Variants in DCC observed in about 807,000 individuals in gnomAD.
DCC encodes the protein DCC netrin 1 receptor.
Under a neutral mutation model 172.5 loss-of-function variants are expected in DCC, and 58 were observed. The ratio of observed to expected loss-of-function variants is 0.34; its 90% CI spans 0.27 to 0.42. The LOEUF (loss-of-function observed/expected upper bound fraction) is 0.42, where lower values mean the gene tolerates loss of function less well. DCC is among the 10% of genes least tolerant of loss of function. The pLI, the probability that DCC is intolerant of heterozygous loss-of-function variation, is 1.00. For missense variants in DCC, 1,740 were observed against 1,791.0 expected (o/e 0.97, Z 0.51); for synonymous variants, 709 against 644.5 (o/e 1.10, Z -1.52).
intron 9 of DCC, among the ~76,000 whole-genome samples, chr18:53,182,439 C>T (rs918959464): frequency 4.6e-5 from 7 of 152,146 alleles, no homozygotes; most frequent in African/African-American, 1.7e-4. Context: ...TAATTCCTCC[C>T]TTACTGAGTA....
At chr18:53,159,029 A>G (rs935839360) in intron 8 of DCC, among the ~76,000 whole-genome samples, 1 of 150,144 alleles carries the variant, frequency 6.7e-6, no homozygotes, top group Non-Finnish European at 1.5e-5. Flanking sequence ...GCATACCCAT[A>G]TTGCCTTGTG....
At chr18:53,202,507 A>G (rs1010449861) in intron 9 of DCC, among the ~76,000 whole-genome samples, 5 of 152,228 alleles carry the variant, frequency 3.3e-5, no homozygotes. Flanking sequence ...AATAGGAAAA[A>G]AAATCATTAT....
At chr18:53,253,684 C>T (rs2056470087) in intron 12 of DCC, among the ~76,000 whole-genome samples, 1 of 152,014 alleles carries the variant, frequency 6.6e-6, no homozygotes, top group Non-Finnish European at 1.5e-5. Flanking sequence ...TGGAAAACAA[C>T]ATGAGCTTTC....
chr18:53,527,323 GT>G (rs1418431786), intron 28 of DCC, among the ~76,000 whole-genome samples: 1 of 151,500 alleles, frequency 6.6e-6, no homozygotes, highest in African/African-American at 2.4e-5. Context: ...AGCTCAAGCA[GT>G]TCTCCTGCCT....
At chr18:52,524,824 T>G (rs2144672686) in intron 1 of DCC, among the ~76,000 whole-genome samples, 1 of 152,224 alleles carries the variant, frequency 6.6e-6, no homozygotes, top group South Asian at 2.1e-4. Context: ...CTATATCAGA[T>G]AGCATATAAT....
intron 2 of DCC, among the ~76,000 whole-genome samples, chr18:52,877,095 C>T (rs2039414777): frequency 6.6e-6 from 1 of 152,148 alleles, no homozygotes; most frequent in Admixed American, 6.5e-5. Flanking sequence ...GTATTTTATA[C>T]TGTAATCGTA....
intron 5 of DCC, among the ~76,000 whole-genome samples, chr18:52,988,332 G>A (rs1269066614): frequency 2.6e-5 from 4 of 151,936 alleles, no homozygotes; most frequent in Non-Finnish European, 5.9e-5. Flanking sequence ...CAAAGTCCAT[G>A]TACTGCAGAC....
chr18:53,222,312 T>G (rs1598919938), intron 12 of DCC, among the ~76,000 whole-genome samples: 1 of 152,220 alleles, frequency 6.6e-6, no homozygotes, highest in South Asian at 2.1e-4. Context: ...ATCACTCATT[T>G]TCTCAGAGCA....
At chr18:53,500,970 G>A (rs2046090978) in intron 27 of DCC, among the ~76,000 whole-genome samples, 1 of 152,066 alleles carries the variant, frequency 6.6e-6, no homozygotes, top group Non-Finnish European at 1.5e-5. Context: ...TGAAGTCTTT[G>A]ATAATTGAGG....
intron 5 of DCC, among the ~76,000 whole-genome samples, chr18:52,949,728 A>G (rs749202049): frequency 1.6e-4 from 24 of 152,212 alleles, no homozygotes; most frequent in Non-Finnish European, 3.2e-4. Context: ...AGACAGTGGC[A>G]ACACTCTTGT....
chr18:52,979,777 T>C (rs1270159045), intron 5 of DCC, among the ~76,000 whole-genome samples: 1 of 152,182 alleles, frequency 6.6e-6, no homozygotes, highest in African/African-American at 2.4e-5. Context: ...GATCAGCCTG[T>C]CTGTGGAAAG....
chr18:53,209,957 C>G (rs2055720918), intron 11 of DCC, among the ~76,000 whole-genome samples: 1 of 152,134 alleles, frequency 6.6e-6, no homozygotes, highest in African/African-American at 2.4e-5. Context: ...CAGTGTCTGT[C>G]AGTATAAAAA....
At chr18:52,396,446 C>T (rs1377602339) in intron 1 of DCC, among the ~76,000 whole-genome samples, 1 of 152,018 alleles carries the variant, frequency 6.6e-6, no homozygotes, top group Non-Finnish European at 1.5e-5. Context: ...ACTAGCTCCT[C>T]CAAACCTCAT....
intron 1 of DCC, among the ~76,000 whole-genome samples, chr18:52,739,710 C>A (rs1293086679): frequency 2.0e-5 from 3 of 152,238 alleles, no homozygotes. Context: ...CCGGAAATCA[C>A]ACCATGTCAG....
chr18:52,764,565 CTT>C (rs888779066), intron 2 of DCC, among the ~76,000 whole-genome samples: 4 of 152,218 alleles, frequency 2.6e-5, no homozygotes, highest in African/African-American at 9.6e-5. Context: ...CCCTCTCCCT[CTT>C]GTTTCCTCTC....
intron 1 of DCC, among the ~76,000 whole-genome samples, chr18:52,553,196 A>G (rs1472702038): frequency 6.6e-6 from 1 of 151,952 alleles, no homozygotes; most frequent in Non-Finnish European, 1.5e-5. Flanking sequence ...ATGTATGTGT[A>G]TATACATACT....
intron 7 of DCC, among the ~76,000 whole-genome samples, chr18:53,115,963 G>A (rs1407675924): frequency 2.0e-5 from 3 of 151,498 alleles, no homozygotes; most frequent in African/African-American, 7.3e-5. Flanking sequence ...GGATGTGGGA[G>A]CGGGGTTGAG....
intron 5 of DCC, among the ~76,000 whole-genome samples, chr18:52,929,351 T>G (rs112724145): frequency 0.02 from 2,507 of 128,318 alleles, 63 homozygotes; most frequent in African/African-American, 0.058. Context: ...TTTTTATTAT[T>G]TATTTTTAAT....
chr18:52,853,010 T>C (rs1219190701), intron 2 of DCC, among the ~76,000 whole-genome samples: 2 of 152,162 alleles, frequency 1.3e-5, no homozygotes, highest in South Asian at 2.1e-4. Flanking sequence ...CCATTCATTT[T>C]CCCCCAAAGT....
Sources: gnomAD v4.1 joint callset for allele counts (sites outside exome capture counted in the v4.1 genomes callset) on GRCh38, gnomAD v4.1.1 for gene constraint, MANE v1.5 for transcripts, NCBI Gene and HGNC (gene_info 2026-07-23, HGNC 2026-07-21) for gene names.